The following NUMBL variants were observed in gnomAD, a reference collection of about 807,000 sequenced individuals.
NUMBL encodes the protein numb-like protein.
Under a neutral mutation model 48.9 loss-of-function variants are expected in NUMBL, and 20 were observed. The ratio of observed to expected loss-of-function variants is 0.41; its 90% CI spans 0.29 to 0.59. The LOEUF is 0.59. Ranked by LOEUF, NUMBL falls within the 20% of genes least tolerant of loss-of-function variation. The pLI, the probability that NUMBL is intolerant of heterozygous loss-of-function variation, is 0.31. For missense variants in NUMBL, 660 were observed against 846.2 expected, an observed-to-expected ratio of 0.78 and a Z score of 2.73; for synonymous variants, 340 against 348.7, an observed-to-expected ratio of 0.98 and a Z score of 0.28.
At position 40,674,488 on chromosome 19, in the gene NUMBL, C is replaced by A. The variant is rs548059002; in HGVS notation, c.731-839G>T. Among the ~76,000 whole-genome samples the A allele has an allele frequency of 2.0e-5, 3 of 152,290 alleles. No homozygotes were observed. In the East Asian group the frequency reaches 5.8e-4, roughly 29 times the overall value. ...CAGGGCTGCCCTCACCCCTGCCAAA[C>A]CACAAACACACATCTACCCTCCTAC... On this transcript the variant is annotated intron_variant, in intron 7 of 9. Transcript: ENST00000252891.
rs1397809216 is a variant in NUMBL at position 40,687,294 on chromosome 19, C to T, written c.25-299G>A. Among the ~76,000 whole-genome samples, 2 of 152,194 alleles carry T rather than the reference C, an allele frequency of 1.3e-5. No individual in the cohort carries two copies. Among genetic ancestry groups the T allele is most frequent in the African/African-American group, 4.8e-5 (2 of 41,434 alleles). On this transcript the variant is annotated intron_variant, in intron 1 of 9. Coordinates refer to ENST00000252891, the MANE Select transcript of NUMBL (RefSeq NM_004756.5). This position sits in a 1 kb window ranked among gnomAD's most constrained non-coding sequence, Gnocchi z 4.6. ...CCAGATGCATGTGCAGGGCTACACA[C>T]ATACGCAGCCAACTCATATCTACAG...
At chr19:40,683,281 C>A (rs963288327) in intron 3 of NUMBL, among the ~76,000 whole-genome samples, 17 of 152,168 alleles carry the variant, frequency 1.1e-4, no homozygotes, top group African/African-American at 3.9e-4. Flanking sequence ...ACAGGCCATG[C>A]AAAGCTGCTT....
At position 40,681,007 on chromosome 19, in the gene NUMBL, G is replaced by A. The variant is rs2081902576; in HGVS notation, c.450C>T (p.Asp150=). ...TIEKVSFCAP[D]RNLDKAFSYI... is the part of the protein sequence containing the mutation. ...AGGAGAAAGCCTTGTCCAGGTTGCG[G>A]TCAGGAGCACAAAAGGAGACCTTTT... is the stretch of plus-strand genomic sequence containing the variant. Residue 150 remains aspartate (D), a synonymous_variant, in exon 6 of 10, where the codon GAC becomes GAT. Coordinates refer to ENST00000252891, the MANE Select transcript of NUMBL (RefSeq NM_004756.5). 4 of 1,614,100 alleles carry A rather than the reference G, an allele frequency of 2.5e-6. No homozygotes were observed. In the South Asian group the frequency reaches 4.4e-5, roughly 18 times the overall value.
intron 8 of NUMBL, among the ~76,000 whole-genome samples, chr19:40,672,241 A>G (rs1001646390): frequency 5.3e-5 from 8 of 151,982 alleles, no homozygotes; most frequent in African/African-American, 1.9e-4. Flanking sequence ...CATGGCAGAC[A>G]TTAGTAATCA....
Position 40,667,429 on chromosome 19 carries a change from G to A in NUMBL, c.*39C>T, listed in dbSNP as rs781277828. ...GGTTGTGCCTCCACCCCCAGGCGTG[G>A]GGCACCTGGAGATGATGGAGTGGGT... On this transcript the variant is annotated 3_prime_UTR_variant, in exon 10 of 10. Transcript: ENST00000252891. The surrounding 1 kb of genome is among the most constrained non-coding windows in gnomAD (Gnocchi z 6.1). 1 of 1,592,478 alleles carries A rather than the reference G, an allele frequency of 6.3e-7. No individual in the cohort carries two copies. Among genetic ancestry groups the A allele is most frequent in the Non-Finnish European group, 8.5e-7 (1 of 1,170,668 alleles).
Position 40,667,027 on chromosome 19 carries a change from G to A in NUMBL, c.*441C>T, listed in dbSNP as rs2081812800. 3 of 233,398 alleles carry A rather than the reference G, an allele frequency of 1.3e-5. No individual in the cohort carries two copies. The highest frequency in any genetic ancestry group is 4.7e-5 in the African/African-American group (2 of 42,888). The allele number at this position is 233,398 out of a possible 1,614,324, so 14.5% of individuals were successfully genotyped here. On this transcript the variant is annotated 3_prime_UTR_variant, in exon 10 of 10. Transcript: ENST00000252891. The surrounding 1 kb of genome is among the most constrained non-coding windows in gnomAD (Gnocchi z 6.1). The stretch of plus-strand genomic sequence containing the variant: ...GCAGCCCTTAGCTTGTGCTGTGCAT[G>A]GGGGGAGGAGACGACCAGATTTGGG...
intron 6 of NUMBL, among the ~76,000 whole-genome samples, chr19:40,680,418 GGGATTACA>G (rs2081898845): frequency 6.7e-6 from 1 of 149,298 alleles, no homozygotes; most frequent in Non-Finnish European, 1.5e-5. Context: ...CCAAAGTGTT[GGGATTACA>G]GGCGTGAGCC....
intron 6 of NUMBL, among the ~76,000 whole-genome samples, chr19:40,677,635 A>G (rs1250111050): frequency 1.3e-5 from 2 of 152,208 alleles, no homozygotes; most frequent in East Asian, 3.8e-4. Flanking sequence ...GTGTGGCTCC[A>G]CTTACTGGAA....
In NUMBL at chr19:40,688,239, T is replaced by C. The variant is rs1017440474; in HGVS notation, c.25-1244A>G. Among the ~76,000 whole-genome samples, 4 of 152,178 alleles carry C rather than the reference T, an allele frequency of 2.6e-5. No individual in the cohort carries two copies. Among genetic ancestry groups the C allele is most frequent in the African/African-American group, 4.8e-5 (2 of 41,418 alleles). ...TGTCACTCCAATGCAGCGAAACATA[T>C]AGCCTTTCTTCATGCAGGCACACAA... On this transcript the variant is annotated intron_variant, in intron 1 of 9. Coordinates refer to ENST00000252891, the MANE Select transcript of NUMBL (RefSeq NM_004756.5). The surrounding 1 kb of genome is among the most constrained non-coding windows in gnomAD (Gnocchi z 4.6).
chr19:40,671,708 C>T (rs919763908), intron 8 of NUMBL, among the ~76,000 whole-genome samples: 2 of 152,154 alleles, frequency 1.3e-5, no homozygotes, highest in African/African-American at 4.8e-5. Flanking sequence ...CATCAATCCC[C>T]GAGGACATAA....
intron 8 of NUMBL, among the ~76,000 whole-genome samples, chr19:40,671,378 G>GA (rs1387538942): frequency 6.6e-6 from 1 of 151,938 alleles, no homozygotes; most frequent in Non-Finnish European, 1.5e-5. Flanking sequence ...ATGTGTGTGG[G>GA]GGGGTGCAAT....
At chr19:40,678,179 T>C (rs1290754639) in intron 6 of NUMBL, among the ~76,000 whole-genome samples, 1 of 152,150 alleles carries the variant, frequency 6.6e-6, no homozygotes, top group Non-Finnish European at 1.5e-5. Context: ...TTATTTTTTT[T>C]CTGGGACAGG....
intron 6 of NUMBL, among the ~76,000 whole-genome samples, chr19:40,680,541 C>T (rs149673403): frequency 0.039 from 5,918 of 152,004 alleles, 371 homozygotes; most frequent in African/African-American, 0.13. Flanking sequence ...CTCCACCTCC[C>T]GGGCTCAAGT....
intron 8 of NUMBL, among the ~76,000 whole-genome samples, chr19:40,672,927 TCCTGAGCAAAA>T (rs1156242350): frequency 6.6e-6 from 1 of 152,118 alleles, no homozygotes; most frequent in African/African-American, 2.4e-5. Context: ...TTCAGTCTAC[TCCTGAGCAAAA>T]ACAGGCCAAT....
Position 40,667,520 on chromosome 19 carries a change from G to C in NUMBL, c.1778C>G (p.Pro593Arg). 1 of 1,587,522 alleles carries C rather than the reference G, an allele frequency of 6.3e-7. No homozygotes were observed. The highest frequency in any genetic ancestry group is 8.6e-7 in the Non-Finnish European group (1 of 1,166,694). ...CAGGTCGCCAGAAAAGGGGTTGGAGGGTTTCTCTACAGTGGCTTTGCCTTC... is the reference window on the plus strand; with the variant it reads ...CAGGTCGCCAGAAAAGGGGTTGGAGCGTTTCTCTACAGTGGCTTTGCCTTC... ...ALEGKATVEK[P>R]SNPFSGDLQK... Residue 593 changes from proline (P) to arginine (R), a missense_variant, in exon 10 of 10, where the codon CCC (proline) becomes CGC (arginine). This residue lies in a region of NUMBL where 296 missense variants were observed against 339.7 expected (regional missense o/e 0.87). Coordinates refer to ENST00000252891, the MANE Select transcript of NUMBL (RefSeq NM_004756.5). The surrounding 1 kb of genome is among the most constrained non-coding windows in gnomAD (Gnocchi z 6.1).
At chr19:40,677,546 TC>T (rs1466567950) in intron 6 of NUMBL, 125 bp from the exon 7 acceptor site, 2 of 759,548 alleles carry the variant, frequency 2.6e-6, no homozygotes, top group Non-Finnish European at 4.1e-6. Flanking sequence ...TCTCTGGGCC[TC>T]AGTGCTCATC....
Position 40,690,515 on chromosome 19 carries a change from C to A in NUMBL, c.-32G>T. ...CCCGGGCGCCCCCGCCTCCCGCGGC[C>A]CTGGCTGGGCCTGGCTCCCCGACTG... On this transcript the variant is annotated 5_prime_UTR_variant, in exon 1 of 10. Transcript: ENST00000252891. 2.4e-6 allele frequency: 3 copies of A among 1,224,996 alleles called. No homozygotes were observed. The highest frequency in any genetic ancestry group is 3.1e-6 in the Non-Finnish European group (3 of 977,614). The allele number at this position is 1,224,996 out of a possible 1,614,324, so 75.9% of individuals were successfully genotyped here.
chr19:40,677,458 TG>T, intron 6 of NUMBL, 37 bp from the exon 7 acceptor site: 1 of 1,583,510 alleles, frequency 6.3e-7, no homozygotes. Context: ...TTAGAGGCGC[TG>T]GGCAGTGCGG....
rs368405106 is a variant in NUMBL, at chr19:40,686,705, T to G, written c.109+206A>C. Among the ~76,000 whole-genome samples the G allele has an allele frequency of 2.3e-3, 355 of 151,616 alleles. 2 individuals are homozygous for G. Among genetic ancestry groups the G allele is most frequent in the African/African-American group, 8.1e-3 (335 of 41,382 alleles). ...ACCGTATATCTACAGATGTGAGTGTTTGTGACTCTGCACTTGAGGCTGTAA... is the reference window on the plus strand; with the variant it reads ...ACCGTATATCTACAGATGTGAGTGTGTGTGACTCTGCACTTGAGGCTGTAA... On this transcript the variant is annotated intron_variant, in intron 2 of 9. Coordinates refer to ENST00000252891, the MANE Select transcript of NUMBL (RefSeq NM_004756.5).
Sources: allele counts gnomAD v4.1 joint callset (sites outside exome capture counted in the v4.1 genomes callset), GRCh38; gene constraint gnomAD v4.1.1; regional missense constraint gnomAD v4.1.1; non-coding constraint Gnocchi (gnomAD v3.1); transcripts MANE v1.5; gene names NCBI Gene and HGNC (gene_info 2026-07-23, HGNC 2026-07-21).